Variants in SUMF1 observed in about 807,000 individuals in gnomAD.
The protein encoded by SUMF1 is sulfatase modifying factor 1, also known as formylglycine-generating enzyme.
In SUMF1, 48 loss-of-function variants were observed where a neutral mutation model predicts 47.6. The observed-to-expected ratio is 1.01, with a 90% CI of 0.80 to 1.28. The LOEUF (loss-of-function observed/expected upper bound fraction) is 1.28, where lower values mean the gene tolerates loss of function less well. SUMF1 is among the 50% of genes most tolerant of loss of function. SUMF1 has a pLI of 0.00. For synonymous variants in SUMF1, 230 were observed against 192.1 expected (o/e 1.20, Z -1.63); for missense variants, 571 against 485.4 (o/e 1.18, Z -1.66).
At chr3:4,414,552 G>A (rs904565361) in intron 6 of SUMF1, 1 of 152,234 alleles carries the variant, frequency 6.6e-6, no homozygotes, top group Admixed American at 6.5e-5. Flanking sequence ...GATGGCAGCT[G>A]TCTCTCTCTG....
At chr3:4,064,684 G>A (rs1422431117) in intron 9 of SUMF1, among the ~76,000 whole-genome samples, 1 of 152,120 alleles carries the variant, frequency 6.6e-6, no homozygotes, top group Admixed American at 6.5e-5. Flanking sequence ...CTGATAACAG[G>A]AGAATGGCAT....
chr3:4,129,628 G>C (rs590591), intron 8 of SUMF1, among the ~76,000 whole-genome samples: 115,839 of 151,926 alleles, frequency 0.76, 44,468 homozygotes, highest in Admixed American at 0.81. Context: ...GAATCTTTCT[G>C]CCATGCTTCC....
chr3:4,175,555 A>C (rs1444820693), intron 8 of SUMF1, among the ~76,000 whole-genome samples: 3 of 152,136 alleles, frequency 2.0e-5, no homozygotes, highest in Admixed American at 6.5e-5. Context: ...TCAAAGACCA[A>C]AGGTAGATAA....
chr3:4,202,651 T>C (rs1695565405), intron 8 of SUMF1, among the ~76,000 whole-genome samples: 1 of 152,114 alleles, frequency 6.6e-6, no homozygotes, highest in Non-Finnish European at 1.5e-5. Context: ...AGAATGTCAT[T>C]GGTACTTTGA....
chr3:4,377,722 G>A (rs78855036), intron 7 of SUMF1, among the ~76,000 whole-genome samples: 1 of 152,154 alleles, frequency 6.6e-6, no homozygotes, highest in African/African-American at 2.4e-5. Context: ...ATCAGGTAAG[G>A]CATACACAGC....
chr3:4,164,898 G>A (rs561351525), intron 8 of SUMF1, among the ~76,000 whole-genome samples: 15 of 152,230 alleles, frequency 9.9e-5, no homozygotes, highest in African/African-American at 3.1e-4. Flanking sequence ...ATAGCCACTC[G>A]AGGAAGGCAG....
In SUMF1 at chr3:4,323,361, T is replaced by A. The variant is rs140545262; in HGVS notation, c.1014+52969A>T. 1.6e-4 allele frequency among the ~76,000 whole-genome samples: 24 copies of A among 152,250 alleles called. No individual in the cohort carries two copies. In the East Asian group the frequency reaches 4.6e-3, roughly 29 times the overall value. ...AACTCCATACAGATACAAAGTAGAT[T>A]AGTGGTTGCCAGGGCCGGGAGCAGG... On this transcript the variant is annotated intron_variant and NMD_transcript_variant, in intron 8 of 12. Coordinates refer to the SUMF1 transcript ENST00000448413.
rs1287872450 is a variant in SUMF1 at position 4,418,067 on chromosome 3, T to C, written c.668A>G (p.Lys223Arg). The change falls in exon 5 of 9, where the codon AAG becomes AGG. Residue 223 changes from lysine (K) to arginine (R), a missense_variant. Lys to Arg is a conservative substitution (Grantham distance 26). Coordinates refer to ENST00000272902, the MANE Select transcript of SUMF1 (RefSeq NM_182760.4). ...CCACTCAGCTTCCGTGGGCAGCCGCTTCCCTGCCCAAGTGCAGTAGGCAAC... is the reference window on the plus strand; with the variant it reads ...CCACTCAGCTTCCGTGGGCAGCCGCCTCCCTGCCCAAGTGCAGTAGGCAAC... ...DAVAYCTWAG[K>R]RLPTEAEWEY... 4 of 1,613,932 alleles carry C rather than the reference T, an allele frequency of 2.5e-6. No homozygotes were observed. In the African/African-American group the frequency reaches 5.3e-5, roughly 22 times the overall value.
chr3:4,173,867 G>A (rs557940210), intron 8 of SUMF1, among the ~76,000 whole-genome samples: 7 of 152,186 alleles, frequency 4.6e-5, no homozygotes, highest in South Asian at 4.2e-4. Flanking sequence ...CATCACACAC[G>A]AGGGCCTGTC....
At chr3:4,422,897 A>G (rs1701949443) in intron 3 of SUMF1, among the ~76,000 whole-genome samples, 1 of 152,070 alleles carries the variant, frequency 6.6e-6, no homozygotes, top group African/African-American at 2.4e-5. Context: ...TGGTGCACCC[A>G]TCTCCTAAGC....
chr3:4,228,378 C>T (rs373384308), intron 8 of SUMF1, among the ~76,000 whole-genome samples: 47 of 152,130 alleles, frequency 3.1e-4, no homozygotes, highest in African/African-American at 1.1e-3. Flanking sequence ...CAATTCCCCT[C>T]ATCCTAGATT....
chr3:4,363,619 T>C (rs950277092), intron 8 of SUMF1, among the ~76,000 whole-genome samples: 14 of 151,818 alleles, frequency 9.2e-5, no homozygotes, highest in African/African-American at 3.1e-4. Context: ...TAAGGAGACT[T>C]TGGGCTGACA....
chr3:4,164,001 T>A (rs530365766), intron 8 of SUMF1, among the ~76,000 whole-genome samples: 64 of 152,268 alleles, frequency 4.2e-4, no homozygotes, highest in African/African-American at 1.4e-3. Flanking sequence ...GGCTATTTGA[T>A]GAATAGCTTG....
rs550251512 is a variant in SUMF1, at chr3:4,385,033, G to A, written c.955-8644C>T. 9.0e-4 allele frequency among the ~76,000 whole-genome samples: 137 copies of A among 151,858 alleles called. 1 individual carries two copies. Among genetic ancestry groups the A allele is most frequent in the Non-Finnish European group, 1.3e-3 (91 of 67,916 alleles). On this transcript the variant is annotated intron_variant, in intron 7 of 8. Transcript: ENST00000272902. ...CCCGAGTAGCTGGGATTACAGGCAC[G>A]CACCACCAGGCCCAGCTAATTTCTG...
chr3:4,260,972 G>C (rs310732), intron 8 of SUMF1, among the ~76,000 whole-genome samples: 25,050 of 152,072 alleles, frequency 0.16, 2,388 homozygotes, highest in South Asian at 0.38. Flanking sequence ...AGTGAGAACT[G>C]TGTTGGTCTT....
intron 8 of SUMF1, among the ~76,000 whole-genome samples, chr3:4,266,168 C>T (rs1559631776): frequency 6.6e-6 from 1 of 152,296 alleles, no homozygotes; most frequent in Non-Finnish European, 1.5e-5. Context: ...TAGCGTGATG[C>T]CTCCAGCTTT....
At chr3:4,240,497 C>G (rs1229717853) in intron 8 of SUMF1, among the ~76,000 whole-genome samples, 2 of 126,728 alleles carry the variant, frequency 1.6e-5, no homozygotes, top group Admixed American at 8.1e-5. Context: ...ATTTTGTTTT[C>G]AATTGCATGC....
rs141255749 is a variant in SUMF1 at position 4,295,535 on chromosome 3, C to T, written c.1014+80795G>A. Among the ~76,000 whole-genome samples, 52 of 152,058 alleles carry T rather than the reference C, an allele frequency of 3.4e-4. 1 individual carries two copies. The highest frequency in any genetic ancestry group is 1.5e-3 in the East Asian group (8 of 5,164). The stretch of plus-strand genomic sequence containing the variant: ...GGTATGCAAAGCTTACTACCTGGAA[C>T]GTGAAATGAACGAACCGCGGGCTGT... On this transcript the variant is annotated intron_variant and NMD_transcript_variant, in intron 8 of 12. Transcript: ENST00000448413.
intron 7 of SUMF1, among the ~76,000 whole-genome samples, chr3:4,405,106 C>T (rs567953264): frequency 2.0e-5 from 3 of 152,166 alleles, no homozygotes; most frequent in African/African-American, 4.8e-5. Context: ...GGAAGGGGAA[C>T]AATCAAGTGT....
Sources: gnomAD v4.1 joint callset for allele counts (sites outside exome capture counted in the v4.1 genomes callset) on GRCh38, gnomAD v4.1.1 for gene constraint, MANE v1.5 for transcripts, NCBI Gene and HGNC (gene_info 2026-07-23, HGNC 2026-07-21) for gene names.